SSH1: variants seen among roughly 807,000 people sequenced by gnomAD.
SSH1 encodes the protein protein phosphatase Slingshot homolog 1.
Under a neutral mutation model 79.7 loss-of-function variants are expected in SSH1, and 43 were observed. The ratio of observed to expected loss-of-function variants is 0.54; its 90% CI spans 0.42 to 0.70. The LOEUF (loss-of-function observed/expected upper bound fraction) is 0.70. Among genes scored for constraint, SSH1 ranks in the 30% least tolerant of loss-of-function variants. The pLI, the probability that SSH1 is intolerant of heterozygous loss-of-function variation, is 0.00. For missense variants in SSH1, 1,206 were observed against 1,358.8 expected, an observed-to-expected ratio of 0.89 and a Z score of 1.77; for synonymous variants, 599 against 538.3, an observed-to-expected ratio of 1.11 and a Z score of -1.56.
At chr12:108,811,216 C>T (rs774262996) in intron 6 of SSH1, 44 bp downstream of exon 6, 3 of 1,579,126 alleles carry the variant, frequency 1.9e-6, no homozygotes, top group South Asian at 1.1e-5. Flanking sequence ...GTTTTCAATG[C>T]CTACTACATA....
At chr12:108,796,079 C>T (rs2036739080) in intron 13 of SSH1, among the ~76,000 whole-genome samples, 2 of 152,030 alleles carry the variant, frequency 1.3e-5, no homozygotes. Flanking sequence ...CCACACCCAG[C>T]TAATTCTTGT....
At position 108,781,614 on chromosome 12, in the gene SSH1, C is replaced by G. The variant is rs967780398; in HGVS notation, c.*6374G>C. Reference sequence around the variant, plus strand: ...AGGCACTGGAATTTAGGGGTCACGCCCAGGTACTTGTGACAGTTAGTGCTC... The same window carrying G: ...AGGCACTGGAATTTAGGGGTCACGCGCAGGTACTTGTGACAGTTAGTGCTC... On this transcript the variant is annotated 3_prime_UTR_variant, in exon 15 of 15. Transcript: ENST00000326495. 2.6e-5 allele frequency: 4 copies of G among 152,184 alleles called. No homozygotes were observed. Among genetic ancestry groups the G allele is most frequent in the African/African-American group, 9.7e-5 (4 of 41,434 alleles). 9.4% of individuals were successfully genotyped at this position (152,184 alleles called of 1,614,324 possible). A position where few individuals can be genotyped will look rare whatever the true frequency, so the allele number is the denominator to read the frequency against.
chr12:108,831,593 C>G (rs2038475410), intron 2 of SSH1, among the ~76,000 whole-genome samples: 1 of 152,064 alleles, frequency 6.6e-6, no homozygotes, highest in Non-Finnish European at 1.5e-5. Flanking sequence ...GTGGAAGGTG[C>G]AGATGCACGT....
intron 2 of SSH1, among the ~76,000 whole-genome samples, chr12:108,852,163 A>G (rs1013708035): frequency 1.3e-5 from 2 of 151,964 alleles, no homozygotes; most frequent in Non-Finnish European, 2.9e-5. Flanking sequence ...GGCTAGACAT[A>G]TGTATGGATT....
chr12:108,849,364 A>G (rs1386545059), intron 2 of SSH1, among the ~76,000 whole-genome samples: 4 of 152,012 alleles, frequency 2.6e-5, no homozygotes, highest in Non-Finnish European at 5.9e-5. Flanking sequence ...ACCAGCCTCA[A>G]CAACACAGTG....
At chr12:108,842,240 C>G (rs143927278) in intron 2 of SSH1, among the ~76,000 whole-genome samples, 36 of 152,322 alleles carry the variant, frequency 2.4e-4, no homozygotes, top group African/African-American at 6.5e-4. Context: ...CCAAAAGGAA[C>G]AGCCAAACAG....
At chr12:108,813,743 G>A (rs1451373569) in intron 5 of SSH1, among the ~76,000 whole-genome samples, 17 of 127,888 alleles carry the variant, frequency 1.3e-4, no homozygotes, top group African/African-American at 4.5e-4. Context: ...GAAGGAAAGG[G>A]AAGGGGAGGG....
intron 2 of SSH1, among the ~76,000 whole-genome samples, chr12:108,824,704 A>G (rs1404413583): frequency 6.6e-6 from 1 of 152,164 alleles, no homozygotes; most frequent in Non-Finnish European, 1.5e-5. Flanking sequence ...GGATCATTTG[A>G]GCCCAGGAGT....
In SSH1 at chr12:108,788,208, T is replaced by A. The variant is rs779985741; in HGVS notation, c.2930A>T (p.His977Leu). 3.1e-6 allele frequency: 5 copies of A among 1,613,314 alleles called. No individual in the cohort carries two copies. Among genetic ancestry groups the A allele is most frequent in the African/African-American group, 2.7e-5 (2 of 74,704 alleles). ...LTVSSPLKRS[H>L]SLAKLGSLTF... ...GAGACTCCCCAGCTTGGCAAGAGAGTGTGAGCGCTTCAGTGGGGAAGAGAC... is the reference window on the plus strand; with the variant it reads ...GAGACTCCCCAGCTTGGCAAGAGAGAGTGAGCGCTTCAGTGGGGAAGAGAC... Residue 977 changes from histidine (H) to leucine (L), a missense_variant, in exon 15 of 15, where the codon CAC (histidine) becomes CTC (leucine). Coordinates refer to ENST00000326495, the MANE Select transcript of SSH1 (RefSeq NM_018984.4).
At position 108,792,804 on chromosome 12, in the gene SSH1, G is replaced by T; in HGVS notation, c.1375C>A (p.Arg459Ser). Residue 459 changes from arginine (R) to serine (S), a missense_variant, in exon 14 of 15, where the codon CGT becomes AGT. By Grantham distance (110) the Arg-to-Ser change is moderately radical (BLOSUM62 -1). This residue lies in a region of SSH1 where 166 missense variants were observed against 262.9 expected (regional missense o/e 0.63). Coordinates refer to ENST00000326495, the MANE Select transcript of SSH1 (RefSeq NM_018984.4). ...TGGAGGCTGCTGTCTGTCTGCTGACGCCACAGCTTGTTGTGCCGCTGTTTG... is the reference window on the plus strand; with the variant it reads ...TGGAGGCTGCTGTCTGTCTGCTGACTCCACAGCTTGTTGTGCCGCTGTTTG... Reference protein sequence around the residue: ...ASKQRHNKLWRQQTDSSLQQP... With the variant: ...ASKQRHNKLWSQQTDSSLQQP... The T allele has an allele frequency of 3.1e-6, 5 of 1,613,754 alleles. No individual in the cohort carries two copies. The highest frequency in any genetic ancestry group is 4.2e-6 in the Non-Finnish European group (5 of 1,180,042).
chr12:108,787,578 G>A lies in SSH1; in HGVS notation c.*410C>T, dbSNP rs2036316612. ...GAGGTAGGACTTAATGTTGCCATCC[G>A]AGAGTTTTCTGCGAGGCCAAGAATG... is the stretch of plus-strand genomic sequence containing the variant. On this transcript the variant is annotated 3_prime_UTR_variant, in exon 15 of 15. Coordinates refer to ENST00000326495, the MANE Select transcript of SSH1 (RefSeq NM_018984.4). 1 of 209,712 alleles carries A rather than the reference G, an allele frequency of 4.8e-6. No homozygotes were observed. The highest frequency in any genetic ancestry group is 9.8e-6 in the Non-Finnish European group (1 of 102,026). 13.0% of individuals were successfully genotyped at this position (209,712 alleles called of 1,614,324 possible).
chr12:108,802,555 A>G (rs1296879743), intron 10 of SSH1, among the ~76,000 whole-genome samples, 187 bp from the exon 11 acceptor site: 1 of 151,984 alleles, frequency 6.6e-6, no homozygotes, highest in Non-Finnish European at 1.5e-5. Context: ...AGAGCATGAG[A>G]GGAAGGGAGG....
At chr12:108,814,349 C>CT (rs763191169) in intron 5 of SSH1, among the ~76,000 whole-genome samples, 3,862 of 145,136 alleles carry the variant, frequency 0.027, 165 homozygotes, top group East Asian at 0.22. Context: ...TTGTCTCTTC[C>CT]TTTTTTTTTT....
At chr12:108,789,360 G>T in intron 14 of SSH1, 116 bp from the exon 15 acceptor site, 2 of 1,079,428 alleles carry the variant, frequency 1.9e-6, no homozygotes, top group Non-Finnish European at 2.7e-6. Flanking sequence ...AGGCCTGGAG[G>T]GGAGGCTCTC....
In SSH1 at chr12:108,788,958, C is replaced by T; in HGVS notation, c.2180G>A (p.Gly727Asp). Residue 727 changes from glycine to aspartate, a missense_variant, in exon 15 of 15, where the codon GGC (glycine) becomes GAC (aspartate). By Grantham distance (94) the Gly-to-Asp change is moderately conservative. Around this residue, in one of 5 missense-constraint regions of SSH1, gnomAD observed 709 missense variants for 730.6 expected, o/e 0.97. Coordinates refer to ENST00000326495, the MANE Select transcript of SSH1 (RefSeq NM_018984.4). ...PAGSRRADTS[G>D]PGAGAALEPP... ...CTCTAGGGCAGCTCCAGCCCCAGGG[C>T]CACTGGTGTCTGCCCTCCTGGAGCC... The T allele has an allele frequency of 1.9e-6, 3 of 1,613,604 alleles. No homozygotes were observed. Among genetic ancestry groups the T allele is most frequent in the Non-Finnish European group, 2.5e-6 (3 of 1,179,734 alleles).
At chr12:108,835,905 A>C (rs868190913) in intron 2 of SSH1, among the ~76,000 whole-genome samples, 2 of 69,408 alleles carry the variant, frequency 2.9e-5, no homozygotes, top group East Asian at 1.1e-3. Flanking sequence ...ATATTAATAT[A>C]ATTAATTATA....
chr12:108,799,344 C>T lies in SSH1; in HGVS notation c.1149-144G>A. Reference sequence around the variant, plus strand: ...TAGATATCTTACTGCCGAAATCCTCCTACGTCTTAATGTTTACGGAGCAGA... The same window carrying T: ...TAGATATCTTACTGCCGAAATCCTCTTACGTCTTAATGTTTACGGAGCAGA... On this transcript the variant is annotated intron_variant, in intron 12 of 14. Coordinates refer to ENST00000326495, the MANE Select transcript of SSH1 (RefSeq NM_018984.4). The T allele has an allele frequency of 1.5e-5, 10 of 684,864 alleles. No individual in the cohort carries two copies. In the South Asian group the frequency reaches 1.9e-4, roughly 13 times the overall value. 42.4% of individuals were successfully genotyped at this position (684,864 alleles called of 1,614,324 possible).
At chr12:108,856,995 CCACA>C (rs974746095) in intron 1 of SSH1, among the ~76,000 whole-genome samples, 2 of 152,332 alleles carry the variant, frequency 1.3e-5, no homozygotes, top group Middle Eastern at 3.4e-3. Context: ...ATCACAGTCC[CCACA>C]CAATCACGAG....
intron 2 of SSH1, chr12:108,827,321 A>G: frequency 6.4e-7 from 1 of 1,551,080 alleles, no homozygotes. Context: ...AGGAAGATGC[A>G]GAAGTCGGTA....
Sources: gnomAD v4.1 joint callset for allele counts (sites outside exome capture counted in the v4.1 genomes callset) on GRCh38, gnomAD v4.1.1 for gene constraint, gnomAD v4.1.1 regional missense constraint, MANE v1.5 for transcripts, NCBI Gene and HGNC (gene_info 2026-07-23, HGNC 2026-07-21) for gene names.